POLK: variants seen among roughly 807,000 people sequenced by gnomAD.
POLK encodes DNA polymerase kappa.
A neutral mutation model predicts 94.0 loss-of-function variants in POLK; 76 were observed. The observed-to-expected ratio is 0.81, with a 90% confidence interval of 0.67 to 0.98. The LOEUF (loss-of-function observed/expected upper bound fraction) is 0.98, where lower values mean the gene tolerates loss of function less well. Ranked by LOEUF, POLK falls within the 50% of genes least tolerant of loss-of-function variation. The pLI, the probability that POLK is intolerant of heterozygous loss-of-function variation, is 0.00. For missense variants in POLK, 954 were observed against 1,010.1 expected, an observed-to-expected ratio of 0.94 and a Z score of 0.75; for synonymous variants, 349 against 325.4, an observed-to-expected ratio of 1.07 and a Z score of -0.78.
chr5:75,536,720 C>T (rs2112592184), intron 1 of POLK, among the ~76,000 whole-genome samples: 1 of 152,128 alleles, frequency 6.6e-6, no homozygotes, highest in Middle Eastern at 3.4e-3. Flanking sequence ...GCATGTGTTG[C>T]CCCCCAGCTA....
At chr5:75,559,505 GT>G (rs1561371144) in intron 3 of POLK, among the ~76,000 whole-genome samples, 1 of 70,080 alleles carries the variant, frequency 1.4e-5, no homozygotes, top group Non-Finnish European at 3.3e-5. Flanking sequence ...TTTGGGGTTT[GT>G]TTTTTTGTTT....
At chr5:75,532,860 G>C (rs986962740) in intron 1 of POLK, among the ~76,000 whole-genome samples, 1 of 152,132 alleles carries the variant, frequency 6.6e-6, no homozygotes, top group Non-Finnish European at 1.5e-5. Context: ...TTTTTCATAT[G>C]TTTGTTAGCC....
chr5:75,575,832 A>G (rs1771842206), intron 5 of POLK, among the ~76,000 whole-genome samples: 1 of 152,182 alleles, frequency 6.6e-6, no homozygotes, highest in African/African-American at 2.4e-5. Flanking sequence ...TTATAAAAGA[A>G]GAAACAGTTT....
chr5:75,538,338 C>G (rs1195939403), intron 1 of POLK, among the ~76,000 whole-genome samples: 1 of 152,156 alleles, frequency 6.6e-6, no homozygotes, highest in Non-Finnish European at 1.5e-5. Context: ...TAAGTCTGGA[C>G]TGCTTTTTCT....
At chr5:75,534,582 A>G (rs1416229535) in intron 1 of POLK, among the ~76,000 whole-genome samples, 1 of 152,100 alleles carries the variant, frequency 6.6e-6, no homozygotes, top group Non-Finnish European at 1.5e-5. Flanking sequence ...ATCTCCCACC[A>G]TTATTGTGTG....
At chr5:75,551,467 A>T (rs1295989419) in intron 2 of POLK, among the ~76,000 whole-genome samples, 2 of 152,194 alleles carry the variant, frequency 1.3e-5, no homozygotes, top group African/African-American at 4.8e-5. Context: ...TAAAACACAT[A>T]TGTGATAAAA....
At chr5:75,578,187 A>C (rs1772005017) in intron 6 of POLK, among the ~76,000 whole-genome samples, 1 of 152,082 alleles carries the variant, frequency 6.6e-6, no homozygotes, top group Non-Finnish European at 1.5e-5. Context: ...ATAGGGTCTC[A>C]CTGTGTTGCC....
At chr5:75,565,825 A>G (rs1771236971) in intron 3 of POLK, among the ~76,000 whole-genome samples, 1 of 152,004 alleles carries the variant, frequency 6.6e-6, no homozygotes, top group Non-Finnish European at 1.5e-5. Context: ...AACCCCTGCC[A>G]TCAGGAGGCA....
intron 1 of POLK, among the ~76,000 whole-genome samples, chr5:75,546,073 C>A (rs1320768811): frequency 6.6e-6 from 1 of 152,138 alleles, no homozygotes; most frequent in African/African-American, 2.4e-5. Flanking sequence ...GGGCTAGGGA[C>A]CCTGCCCACA....
chr5:75,581,678 CTTTTTTT>C (rs1158442197), intron 7 of POLK: 1 of 288,630 alleles, frequency 3.5e-6, no homozygotes, highest in Non-Finnish European at 6.4e-6. Context: ...ACGTTTCTTT[CTTTTTTT>C]TTTTTTTTGA....
chr5:75,534,384 C>T (rs560201970), intron 1 of POLK, among the ~76,000 whole-genome samples: 3 of 151,962 alleles, frequency 2.0e-5, no homozygotes, highest in East Asian at 1.9e-4. Context: ...TCCTGTATGT[C>T]GATGATCTTT....
chr5:75,595,248 G>GACAAAAAAAAAAAAAAA (rs1773006625), intron 12 of POLK, among the ~76,000 whole-genome samples: 1 of 24,880 alleles, frequency 4.0e-5, no homozygotes, highest in African/African-American at 1.1e-4. Flanking sequence ...CTCCACCTCA[G>GACAAAAAAAAAAAAAAA]AAAAAAAAAA....
chr5:75,553,889 A>G (rs1185535277), intron 3 of POLK, among the ~76,000 whole-genome samples: 2 of 152,238 alleles, frequency 1.3e-5, no homozygotes, highest in Non-Finnish European at 1.5e-5. Flanking sequence ...TTCTCACATA[A>G]TAAGTGAGTA....
chr5:75,596,906 T>C (rs933622465), exon 13 of POLK: 1 of 1,613,636 alleles, frequency 6.2e-7, no homozygotes, highest in African/African-American at 1.3e-5. Context: ...TCTTTTAATA[T>C]TGAACACTGT....
chr5:75,525,966 T>C (rs1260453839), intron 1 of POLK, among the ~76,000 whole-genome samples: 1 of 152,198 alleles, frequency 6.6e-6, no homozygotes, highest in Non-Finnish European at 1.5e-5. Context: ...TTTCCTTATG[T>C]GTTAAAGACA....
At chr5:75,587,176 A>G (rs1307133474) in intron 10 of POLK, 118 bp downstream of exon 10, 6 of 605,658 alleles carry the variant, frequency 9.9e-6, no homozygotes, top group Non-Finnish European at 1.7e-5. Context: ...TTACTATAAC[A>G]GTTTTTAGTA....
intron 3 of POLK, among the ~76,000 whole-genome samples, chr5:75,564,880 A>T (rs902243586): frequency 6.6e-5 from 10 of 151,684 alleles, no homozygotes; most frequent in Non-Finnish European, 1.5e-4. Context: ...CTTCTCGAGG[A>T]GTATCTTGTG....
At chr5:75,519,669 G>GT (rs1232673783) in intron 1 of POLK, among the ~76,000 whole-genome samples, 1 of 152,074 alleles carries the variant, frequency 6.6e-6, no homozygotes, top group African/African-American at 2.4e-5. Context: ...ACTTATAGTC[G>GT]TATTTTATCT....
chr5:75,576,950 G>A lies in POLK; in HGVS notation c.694+17G>A. 2 of 1,470,564 alleles carry A rather than the reference G, an allele frequency of 1.4e-6. No homozygotes were observed. Among genetic ancestry groups the A allele is most frequent in the Non-Finnish European group, 9.1e-7 (1 of 1,101,408 alleles). 91.1% of individuals were successfully genotyped at this position (1,470,564 alleles called of 1,614,324 possible). On this transcript the variant is annotated intron_variant, in intron 6 of 14. Coordinates refer to ENST00000241436, the Ensembl canonical transcript of POLK. ...TAGAAAATGGTAAGCAACTTATTAAGACTATCAAACCAAGAAGCAGTGAAA... is the reference window on the plus strand; with the variant it reads ...TAGAAAATGGTAAGCAACTTATTAAAACTATCAAACCAAGAAGCAGTGAAA...
Sources: allele counts gnomAD v4.1 joint callset (sites outside exome capture counted in the v4.1 genomes callset), GRCh38; gene constraint gnomAD v4.1.1; transcripts MANE v1.5; gene names NCBI Gene and HGNC (gene_info 2026-07-23, HGNC 2026-07-21).